DAB1: variants seen among roughly 807,000 people sequenced by gnomAD.
DAB1 encodes disabled homolog 1.
DAB1 carries 15 observed loss-of-function variants against 64.6 expected under a neutral mutation model. That is an observed-to-expected ratio of 0.23 (90% confidence interval 0.16 to 0.36). The LOEUF (loss-of-function observed/expected upper bound fraction) is 0.36. DAB1 is among the 10% of genes least tolerant of loss of function. The pLI, the probability that DAB1 is intolerant of heterozygous loss-of-function variation, is 1.00. For missense variants in DAB1, 596 were observed against 706.7 expected, an observed-to-expected ratio of 0.84 and a Z score of 1.78; for synonymous variants, 235 against 251.9, an observed-to-expected ratio of 0.93 and a Z score of 0.64.
intron 4 of DAB1, among the ~76,000 whole-genome samples, chr1:57,131,980 A>G (rs545065068): frequency 2.6e-5 from 4 of 152,204 alleles, no homozygotes; most frequent in Non-Finnish European, 2.9e-5. Context: ...CAGGTACCCA[A>G]TATTTCCTGA....
intron 7 of DAB1, among the ~76,000 whole-genome samples, chr1:57,558,733 G>A (rs770687830): frequency 1.3e-5 from 2 of 152,156 alleles, no homozygotes; most frequent in Admixed American, 6.5e-5. Context: ...TGCTTGGTTA[G>A]CTGAAATATG....
chr1:57,240,938 C>A (rs1668450667), intron 2 of DAB1, among the ~76,000 whole-genome samples: 1 of 152,190 alleles, frequency 6.6e-6, no homozygotes, highest in African/African-American at 2.4e-5. Context: ...CCCCTTCTTG[C>A]ATCTCCTGGT....
chr1:58,508,979 T>G (rs1027965464), intron 2 of DAB1, among the ~76,000 whole-genome samples: 3 of 152,100 alleles, frequency 2.0e-5, no homozygotes, highest in Non-Finnish European at 2.9e-5. Context: ...GACAGGACCC[T>G]AGACACCTAG....
intron 1 of DAB1, among the ~76,000 whole-genome samples, chr1:57,831,041 G>C (rs1652561391): frequency 6.6e-6 from 1 of 152,124 alleles, no homozygotes; most frequent in Non-Finnish European, 1.5e-5. Flanking sequence ...AGCCTCCCGA[G>C]CAGCTGAGAC....
chr1:57,146,377 A>G (rs1267887730), intron 2 of DAB1, among the ~76,000 whole-genome samples: 5 of 152,166 alleles, frequency 3.3e-5, no homozygotes, highest in African/African-American at 1.2e-4. Flanking sequence ...GGTTCTTAAA[A>G]CCTGGAGTGT....
chr1:57,878,625 G>C (rs938304841), intron 1 of DAB1: 1 of 152,148 alleles, frequency 6.6e-6, no homozygotes, highest in South Asian at 2.1e-4. Flanking sequence ...AATGTGTAAT[G>C]GTCAACTTAG....
intron 3 of DAB1, among the ~76,000 whole-genome samples, chr1:58,499,272 A>T (rs1459909642): frequency 6.8e-6 from 1 of 147,342 alleles, no homozygotes; most frequent in Non-Finnish European, 1.5e-5. Flanking sequence ...AAAAAGTATG[A>T]AGTTTTGCCA....
chr1:58,424,827 G>C (rs1003418716), intron 3 of DAB1, among the ~76,000 whole-genome samples: 1 of 152,244 alleles, frequency 6.6e-6, no homozygotes, highest in South Asian at 2.1e-4. Context: ...TTAAGCATGA[G>C]GGAGAAGGAG....
chr1:57,516,959 T>C (rs1431914513), intron 7 of DAB1, among the ~76,000 whole-genome samples: 1 of 152,210 alleles, frequency 6.6e-6, no homozygotes, highest in East Asian at 1.9e-4. Flanking sequence ...AAATAGGTTC[T>C]TGCTCAAAAA....
At chr1:57,518,898 A>C (rs759036050) in intron 7 of DAB1, among the ~76,000 whole-genome samples, 2 of 152,168 alleles carry the variant, frequency 1.3e-5, no homozygotes, top group African/African-American at 2.4e-5. Flanking sequence ...ATCAGTTTCA[A>C]CATCTGAGCC....
intron 3 of DAB1, among the ~76,000 whole-genome samples, chr1:58,498,833 C>T (rs1645848713): frequency 6.6e-6 from 1 of 152,040 alleles, no homozygotes; most frequent in Non-Finnish European, 1.5e-5. Context: ...CATTTCCTTT[C>T]ACAAACACTG....
chr1:57,804,813 C>A (rs1241340561), intron 6 of DAB1, among the ~76,000 whole-genome samples: 1 of 152,158 alleles, frequency 6.6e-6, no homozygotes, highest in Non-Finnish European at 1.5e-5. Flanking sequence ...ATAATCATAA[C>A]AATTCTAAAT....
chr1:57,067,429 C>T (rs1651025249), intron 8 of DAB1, among the ~76,000 whole-genome samples: 1 of 152,146 alleles, frequency 6.6e-6, no homozygotes, highest in African/African-American at 2.4e-5. Flanking sequence ...TACCTTATCA[C>T]TGTGAGCCTC....
At chr1:57,002,753 G>A (rs932609285) in intron 14 of DAB1, among the ~76,000 whole-genome samples, 3 of 152,174 alleles carry the variant, frequency 2.0e-5, no homozygotes, top group Non-Finnish European at 2.9e-5. Context: ...GTGGGGGTGG[G>A]CCTGCCCCTG....
At chr1:57,279,845 G>A (rs780709048) in intron 2 of DAB1, among the ~76,000 whole-genome samples, 2 of 152,198 alleles carry the variant, frequency 1.3e-5, no homozygotes, top group Non-Finnish European at 2.9e-5. Flanking sequence ...CAAGAGATGT[G>A]AAGTGAAGGG....
intron 7 of DAB1, among the ~76,000 whole-genome samples, chr1:57,627,159 G>T (rs538780358): frequency 6.6e-6 from 1 of 152,214 alleles, no homozygotes; most frequent in Non-Finnish European, 1.5e-5. Context: ...GCTTGAGCCG[G>T]GACAGCCATC....
intron 2 of DAB1, among the ~76,000 whole-genome samples, chr1:57,240,131 G>A (rs1024461563): frequency 6.6e-6 from 1 of 152,102 alleles, no homozygotes; most frequent in African/African-American, 2.4e-5. Flanking sequence ...AATCATTAAG[G>A]AACAATATAT....
At chr1:57,203,261 T>A in intron 2 of DAB1, among the ~76,000 whole-genome samples, 1 of 152,206 alleles carries the variant, frequency 6.6e-6, no homozygotes, top group Non-Finnish European at 1.5e-5. Context: ...CATTAATCCT[T>A]CAAGTCCCCT....
chr1:57,016,028 G>C (rs939381246), intron 11 of DAB1, among the ~76,000 whole-genome samples: 1 of 152,174 alleles, frequency 6.6e-6, no homozygotes, highest in African/African-American at 2.4e-5. Context: ...GACTTTATTT[G>C]TAAAATGGGT....
Sources: gnomAD v4.1 joint callset for allele counts (sites outside exome capture counted in the v4.1 genomes callset) on GRCh38, gnomAD v4.1.1 for gene constraint, MANE v1.5 for transcripts, NCBI Gene and HGNC (gene_info 2026-07-23, HGNC 2026-07-21) for gene names.